Variants in ADK observed in about 807,000 individuals in gnomAD.
ADK encodes the protein adenosine kinase, also known as N6,N6-dimethyladenosine kinase.
Under a neutral mutation model 44.7 loss-of-function variants are expected in ADK, and 24 were observed. The observed-to-expected ratio is 0.54, with a 90% CI of 0.39 to 0.76. The LOEUF (loss-of-function observed/expected upper bound fraction) is 0.76. Ranked by LOEUF, ADK falls within the 30% of genes least tolerant of loss-of-function variation. The probability of loss-of-function intolerance (pLI) is 0.00; values close to 1 mark genes in which losing one functional copy is unlikely to be tolerated. For synonymous variants in ADK, 128 were observed against 142.6 expected (o/e 0.90, Z 0.73); for missense variants, 321 against 425.1 (o/e 0.76, Z 2.15).
At chr10:74,593,284 C>A (rs749429814) in intron 8 of ADK, among the ~76,000 whole-genome samples, 1 of 152,164 alleles carries the variant, frequency 6.6e-6, no homozygotes, top group Non-Finnish European at 1.5e-5. Context: ...TCTTCTAATT[C>A]TCTTCATTTA....
intron 1 of ADK, 51 bp downstream of exon 1, chr10:74,151,394 A>G: frequency 1.3e-6 from 2 of 1,541,102 alleles, no homozygotes; most frequent in Non-Finnish European, 1.8e-6. Flanking sequence ...CAAGCAAGCC[A>G]GGGCCCACGT....
intron 6 of ADK, among the ~76,000 whole-genome samples, chr10:74,416,585 A>G (rs917113038): frequency 1.3e-5 from 2 of 150,414 alleles, no homozygotes; most frequent in East Asian, 1.9e-4. Context: ...TTTTTTGTCA[A>G]TTGTGGTAAG....
chr10:74,407,417 AT>A (rs1843985602), intron 6 of ADK, among the ~76,000 whole-genome samples: 1 of 152,182 alleles, frequency 6.6e-6, no homozygotes, highest in Non-Finnish European at 1.5e-5. Flanking sequence ...TCTACATAGT[AT>A]GCTTATGTTG....
intron 6 of ADK, among the ~76,000 whole-genome samples, chr10:74,435,567 A>G (rs1845154279): frequency 1.3e-5 from 2 of 152,200 alleles, no homozygotes; most frequent in African/African-American, 4.8e-5. Flanking sequence ...ATTTGTTTAT[A>G]CATCTAGGAA....
intron 6 of ADK, among the ~76,000 whole-genome samples, chr10:74,515,311 T>G (rs1848522173): frequency 1.3e-5 from 2 of 152,202 alleles, no homozygotes; most frequent in Non-Finnish European, 2.9e-5. Context: ...GATGCCACTT[T>G]GCCAGGGGTG....
chr10:74,279,578 CAAA>C (rs1259181483), intron 3 of ADK, among the ~76,000 whole-genome samples: 1 of 100,596 alleles, frequency 9.9e-6, no homozygotes, highest in Admixed American at 1.1e-4. Flanking sequence ...GACTTCATCT[CAAA>C]AAAAAAAAAA....
intron 1 of ADK, among the ~76,000 whole-genome samples, chr10:74,173,207 C>A (rs1165374751): frequency 6.6e-6 from 1 of 151,180 alleles, no homozygotes; most frequent in Non-Finnish European, 1.5e-5. Flanking sequence ...TCTCCTGCCT[C>A]AGCCTCCCAA....
In ADK at chr10:74,230,254, G is replaced by GT. The variant is rs934303147; in HGVS notation, c.194+5671dup. Among the ~76,000 whole-genome samples, 8 of 151,326 alleles carry GT rather than the reference G, an allele frequency of 5.3e-5. No individual in the cohort carries two copies. The East Asian group carries it at 7.8e-4, about 15-fold the overall frequency. Reference sequence around the variant, plus strand: ...TTTATGATCCTATTCTCAGGGCCCGGTTTTTTTTGTATCTTTAAAATTATA... The same window carrying GT: ...TTTATGATCCTATTCTCAGGGCCCGGTTTTTTTTTGTATCTTTAAAATTATA... On this transcript the variant is annotated intron_variant, in intron 3 of 10. Transcript: ENST00000539909.
At chr10:74,344,897 C>G (rs1297238799) in intron 4 of ADK, 1 of 157,322 alleles carries the variant, frequency 6.4e-6, no homozygotes, top group Non-Finnish European at 1.4e-5. Flanking sequence ...GTTTGAATGT[C>G]TTCAGTGAGA....
At chr10:74,558,265 A>C (rs1375191128) in intron 7 of ADK, among the ~76,000 whole-genome samples, 2 of 152,168 alleles carry the variant, frequency 1.3e-5, no homozygotes, top group African/African-American at 4.8e-5. Context: ...TGGCACGTTC[A>C]TAGCTCACTG....
chr10:74,299,512 AG>A (rs1259490060), intron 3 of ADK, among the ~76,000 whole-genome samples: 2 of 86,644 alleles, frequency 2.3e-5, no homozygotes, highest in Non-Finnish European at 3.2e-5. Flanking sequence ...AAAAAAAAAA[AG>A]AAATATATAT....
At chr10:74,531,822 T>C (rs377115884) in intron 7 of ADK, among the ~76,000 whole-genome samples, 31 of 152,332 alleles carry the variant, frequency 2.0e-4, no homozygotes, top group African/African-American at 7.5e-4. Flanking sequence ...CATGAGCCAC[T>C]GCACTTGGCA....
chr10:74,648,682 A>T (rs1854143148), intron 9 of ADK, among the ~76,000 whole-genome samples: 1 of 152,142 alleles, frequency 6.6e-6, no homozygotes, highest in Non-Finnish European at 1.5e-5. Context: ...ATCTCAAAAA[A>T]AAAGAAGAAA....
intron 6 of ADK, among the ~76,000 whole-genome samples, chr10:74,455,846 T>C (rs1326128976): frequency 6.6e-6 from 1 of 152,192 alleles, no homozygotes; most frequent in Non-Finnish European, 1.5e-5. Context: ...TTCTGGCTTA[T>C]AGGGTTTCTG....
rs575875847 is a variant in ADK, at chr10:74,490,229, A to G, written c.556-35027A>G. Among the ~76,000 whole-genome samples, 80 of 152,210 alleles carry G rather than the reference A, an allele frequency of 5.3e-4. No individual in the cohort carries two copies. In the East Asian group the frequency reaches 7.7e-3, roughly 15 times the overall value. On this transcript the variant is annotated intron_variant, in intron 6 of 10. Transcript: ENST00000539909. ...ATTAGATTAAAATGTTTGAGGAAAT[A>G]AAAACTTCTTTATGTATTCATTGTG...
At chr10:74,229,320 A>G (rs1467969266) in intron 3 of ADK, among the ~76,000 whole-genome samples, 2 of 152,006 alleles carry the variant, frequency 1.3e-5, no homozygotes, top group East Asian at 3.8e-4. Context: ...AACCAGCAGG[A>G]AAGTTATAAG....
At chr10:74,243,228 CA>C (rs896768559) in intron 3 of ADK, among the ~76,000 whole-genome samples, 3 of 152,186 alleles carry the variant, frequency 2.0e-5, no homozygotes, top group Non-Finnish European at 4.4e-5. Context: ...GTGGGACCTG[CA>C]TGGAGCTTTC....
intron 6 of ADK, among the ~76,000 whole-genome samples, chr10:74,474,634 C>G (rs1846753092): frequency 6.6e-6 from 1 of 151,724 alleles, no homozygotes; most frequent in South Asian, 2.1e-4. Context: ...ACCTCAGCAT[C>G]CTGGGCTTAA....
intron 3 of ADK, among the ~76,000 whole-genome samples, chr10:74,227,860 A>T (rs1844604597): frequency 6.6e-6 from 1 of 151,992 alleles, no homozygotes; most frequent in African/African-American, 2.4e-5. Flanking sequence ...AGAAAAAAAA[A>T]TTAGCCTGAT....
Sources: allele counts gnomAD v4.1 joint callset (sites outside exome capture counted in the v4.1 genomes callset), GRCh38; gene constraint gnomAD v4.1.1; transcripts MANE v1.5; gene names NCBI Gene and HGNC (gene_info 2026-07-23, HGNC 2026-07-21).